UBE2Z: variants seen among roughly 807,000 people sequenced by gnomAD.
UBE2Z encodes the protein ubiquitin-conjugating enzyme E2 Z.
UBE2Z carries 10 observed loss-of-function variants against 32.6 expected under a neutral mutation model. The ratio of observed to expected loss-of-function variants is 0.31; its 90% CI spans 0.19 to 0.52. The LOEUF is 0.52. Among genes scored for constraint, UBE2Z ranks in the 20% least tolerant of loss-of-function variants. The pLI is 0.97. For missense variants in UBE2Z, 343 were observed against 480.9 expected (o/e 0.71, Z 2.68); for synonymous variants, 183 against 190.8 (o/e 0.96, Z 0.34).
At chr17:48,913,982 C>G (rs998433211) in intron 3 of UBE2Z, among the ~76,000 whole-genome samples, 2 of 152,100 alleles carry the variant, frequency 1.3e-5, no homozygotes, top group Non-Finnish European at 2.9e-5. Flanking sequence ...AGCAGTCGTC[C>G]TCTTGTGGCT....
In UBE2Z at chr17:48,921,089, C is replaced by A. The variant is rs1400287706; in HGVS notation, c.691-71C>A. 3.1e-6 allele frequency: 4 copies of A among 1,286,490 alleles called. No homozygotes were observed. The Admixed American group carries it at 8.0e-5, about 26-fold the overall frequency. The allele number at this position is 1,286,490 out of a possible 1,614,324, so 79.7% of individuals were successfully genotyped here. A position where few individuals can be genotyped will look rare whatever the true frequency, so the allele number is the denominator to read the frequency against. Reference sequence around the variant, plus strand: ...ACTGGCTGACATACCCCATACTAATCTTGAAGTCCCTTCCCATTGGTTTTC... The same window carrying A: ...ACTGGCTGACATACCCCATACTAATATTGAAGTCCCTTCCCATTGGTTTTC... On this transcript the variant is annotated intron_variant, in intron 4 of 6. Transcript: ENST00000360943.
chr17:48,925,413 ACTTATGCCCTCC>A, intron 6 of UBE2Z, among the ~76,000 whole-genome samples: 2 of 152,158 alleles, frequency 1.3e-5, no homozygotes, highest in Admixed American at 6.6e-5. Context: ...GGAGGAGATG[ACTTATGCCCTCC>A]AGTGCTACTT....
At chr17:48,923,121 A>C in intron 6 of UBE2Z, 184 bp downstream of exon 6, 1 of 485,330 alleles carries the variant, frequency 2.1e-6, no homozygotes, top group Non-Finnish European at 3.7e-6. Context: ...GGAAATTGAG[A>C]CCATCCTGGC....
In UBE2Z at chr17:48,908,615, G is replaced by T. The variant is rs1345199465; in HGVS notation, c.112G>T (p.Gly38Trp). ...CGTTAGCGGCAGCGGCGGCGGGTTCGGGCCGCCTTTCCTGCCGGATGTGTG... is the reference window on the plus strand; with the variant it reads ...CGTTAGCGGCAGCGGCGGCGGGTTCTGGCCGCCTTTCCTGCCGGATGTGTG... ...VGVSGSGGGFGPPFLPDVWAA... is the reference protein window; with the variant it reads ...VGVSGSGGGFWPPFLPDVWAA... Residue 38 changes from glycine to tryptophan, a missense_variant, in exon 1 of 7, where the codon GGG becomes TGG. By Grantham distance (184) the Gly-to-Trp change is radical. This residue lies in a region of UBE2Z where 103 missense variants were observed against 96.2 expected (regional missense o/e 1.07). Transcript: ENST00000360943. 3 of 1,236,736 alleles carry T rather than the reference G, an allele frequency of 2.4e-6. No individual in the cohort carries two copies. The highest frequency in any genetic ancestry group is 3.0e-6 in the Non-Finnish European group (3 of 987,744). The allele number at this position is 1,236,736 out of a possible 1,614,324, so 76.6% of individuals were successfully genotyped here. A position where few individuals can be genotyped will look rare whatever the true frequency, so the allele number is the denominator to read the frequency against.
chr17:48,915,864 T>TGGGGGG, intron 3 of UBE2Z: 1 of 342,848 alleles, frequency 2.9e-6, no homozygotes, highest in East Asian at 4.3e-5. Flanking sequence ...CCTGTTCTTT[T>TGGGGGG]GCCCCCCCCC....
At chr17:48,911,710 G>A (rs942433701) in intron 2 of UBE2Z, 3 of 151,610 alleles carry the variant, frequency 2.0e-5, no homozygotes, top group East Asian at 1.9e-4. Context: ...AGGACATCTC[G>A]TCCTCAGTCA....
chr17:48,919,506 T>C (rs2040744409), intron 4 of UBE2Z, among the ~76,000 whole-genome samples: 1 of 152,250 alleles, frequency 6.6e-6, no homozygotes, highest in African/African-American at 2.4e-5. Flanking sequence ...AGACAAAGTC[T>C]TGCTTTGTCA....
Position 48,922,005 on chromosome 17 carries a change from G to A in UBE2Z, c.803+733G>A, listed in dbSNP as rs147229454. On this transcript the variant is annotated intron_variant, in intron 5 of 6. Transcript: ENST00000360943. ...ATGACACCACTGCACTCCAGCCTGGGTAACACAGCAAGACCCTGCCTCAAA... is the reference window on the plus strand; with the variant it reads ...ATGACACCACTGCACTCCAGCCTGGATAACACAGCAAGACCCTGCCTCAAA... Among the ~76,000 whole-genome samples the A allele has an allele frequency of 2.6e-5, 4 of 152,264 alleles. No homozygotes were observed. The East Asian group carries it at 7.7e-4, about 29-fold the overall frequency.
rs1305756747 is a variant in UBE2Z, at chr17:48,921,199, A to G, written c.730A>G (p.Ile244Val). 8 of 1,612,866 alleles carry G rather than the reference A, an allele frequency of 5.0e-6. 1 individual carries two copies. Among genetic ancestry groups the G allele is most frequent in the South Asian group, 3.3e-5 (3 of 90,688 alleles). ...AGACAGCAAAAACTATAATGAATGT[A>G]TCCGGCACGAGACCATCAGAGTTGC... is the stretch of plus-strand genomic sequence containing the variant. ...PGDSKNYNEC[I>V]RHETIRVAVC... The change falls in exon 5 of 7, where the codon ATC becomes GTC. Residue 244 changes from isoleucine (I) to valine (V), a missense_variant. Physicochemically the swap from Ile to Val is conservative, Grantham distance 29. Coordinates refer to ENST00000360943, the MANE Select transcript of UBE2Z (RefSeq NM_023079.5).
chr17:48,917,906 G>T (rs911654859), intron 4 of UBE2Z, among the ~76,000 whole-genome samples: 1 of 152,086 alleles, frequency 6.6e-6, no homozygotes, highest in Non-Finnish European at 1.5e-5. Context: ...AAAAGAAAAT[G>T]ATTCCGGATA....
Position 48,910,799 on chromosome 17 carries a change from G to T in UBE2Z, c.318-9G>T. 1 of 1,609,048 alleles carries T rather than the reference G, an allele frequency of 6.2e-7. No homozygotes were observed. Among genetic ancestry groups the T allele is most frequent in the East Asian group, 2.2e-5 (1 of 44,834 alleles). On this transcript the variant is annotated splice_polypyrimidine_tract_variant and intron_variant, in intron 1 of 6. Coordinates refer to ENST00000360943, the MANE Select transcript of UBE2Z (RefSeq NM_023079.5). ...ACTCCTTCCCCCACCTCCTCTTGGTGTTATACAGGGATATCATGTCCATTT... is the reference window on the plus strand; with the variant it reads ...ACTCCTTCCCCCACCTCCTCTTGGTTTTATACAGGGATATCATGTCCATTT...
chr17:48,918,973 A>G (rs954913007), intron 4 of UBE2Z, among the ~76,000 whole-genome samples: 4 of 151,930 alleles, frequency 2.6e-5, no homozygotes, highest in African/African-American at 9.7e-5. Context: ...TCTTGAACAT[A>G]TGGCCTCAAG....
Position 48,916,156 on chromosome 17 carries a change from A to G in UBE2Z, c.659A>G (p.Asn220Ser). ...TCTATCCAGTCCCTGATGACTGAGA[A>G]CCCCTATCACAATGAGCCCGGCTTT... ...LISIQSLMTENPYHNEPGFEQ... is the reference protein window; with the variant it reads ...LISIQSLMTESPYHNEPGFEQ... The change falls in exon 4 of 7, where the codon AAC becomes AGC. Residue 220 changes from asparagine (N) to serine (S), a missense_variant. Transcript: ENST00000360943. 1 of 1,579,814 alleles carries G rather than the reference A, an allele frequency of 6.3e-7. No homozygotes were observed. Among genetic ancestry groups the G allele is most frequent in the Non-Finnish European group, 8.6e-7 (1 of 1,165,810 alleles).
Position 48,916,115 on chromosome 17 carries a change from C to G in UBE2Z, c.618C>G (p.Ile206Met). 1 of 1,588,874 alleles carries G rather than the reference C, an allele frequency of 6.3e-7. No homozygotes were observed. The highest frequency in any genetic ancestry group is 1.2e-5 in the South Asian group (1 of 86,676). ...TGPAWSPAQS[I>M]SSVLISIQSL... is the part of the protein sequence containing the mutation. ...CTGCCTGGAGCCCAGCCCAGAGCAT[C>G]TCCTCAGTGCTCATCTCTATCCAGT... The change falls in exon 4 of 7, where the codon ATC becomes ATG. Residue 206 changes from isoleucine (I) to methionine (M), a missense_variant. Ile to Met is a conservative substitution (Grantham distance 10). Coordinates refer to ENST00000360943, the MANE Select transcript of UBE2Z (RefSeq NM_023079.5).
In UBE2Z at chr17:48,922,892, G is replaced by A. The variant is rs1340648996; in HGVS notation, c.849G>A (p.Glu283=). The part of the protein sequence containing the change: ...KSFLEYYDFY[E]VACKDRLHLQ... ...TTCTGGAGTATTACGACTTCTACGA[G>A]GTGGCCTGCAAAGATCGCCTGCACC... Residue 283 remains glutamate (E), a synonymous_variant, in exon 6 of 7, where the codon GAG becomes GAA. Coordinates refer to ENST00000360943, the MANE Select transcript of UBE2Z (RefSeq NM_023079.5). 6.2e-7 allele frequency: 1 copy of A among 1,613,048 alleles called. No individual in the cohort carries two copies. The highest frequency in any genetic ancestry group is 1.1e-5 in the South Asian group (1 of 90,962).
chr17:48,923,861 CT>C (rs1382956381), intron 6 of UBE2Z, among the ~76,000 whole-genome samples: 1 of 151,990 alleles, frequency 6.6e-6, no homozygotes, highest in East Asian at 1.9e-4. Flanking sequence ...GCCTCCCAAG[CT>C]GGGACTTACA....
At chr17:48,912,653 A>G (rs2040688555) in intron 2 of UBE2Z, 181 bp from the exon 3 acceptor site, 1 of 620,254 alleles carries the variant, frequency 1.6e-6, no homozygotes. Flanking sequence ...ATTTCTTAAA[A>G]TTCCAAACCT....
intron 1 of UBE2Z, 190 bp downstream of exon 1, chr17:48,909,010 C>T (rs2040652808): frequency 9.1e-6 from 3 of 329,616 alleles, no homozygotes; most frequent in Admixed American, 5.3e-5. Context: ...CTCAGACCCG[C>T]AAGCACCAAC....
In UBE2Z at chr17:48,912,539, GT is replaced by G. The variant is rs770015995; in HGVS notation, c.391-291del. 855 of 357,010 alleles carry G rather than the reference GT, an allele frequency of 2.4e-3. 1 individual carries two copies. Among genetic ancestry groups the G allele is most frequent in the Non-Finnish European group, 3.3e-3 (641 of 191,662 alleles). 22.1% of individuals were successfully genotyped at this position (357,010 alleles called of 1,614,324 possible). ...CAAAAAAAAAAAATGCTTTAAGAGA[GT>G]TTTAGGGGATACTCAAGAGTGATTT... On this transcript the variant is annotated intron_variant, in intron 2 of 6. Transcript: ENST00000360943.
Sources: gnomAD v4.1 joint callset for allele counts (sites outside exome capture counted in the v4.1 genomes callset) on GRCh38, gnomAD v4.1.1 for gene constraint, gnomAD v4.1.1 regional missense constraint, MANE v1.5 for transcripts, NCBI Gene and HGNC (gene_info 2026-07-23, HGNC 2026-07-21) for gene names.